PAX5: variants seen among roughly 807,000 people sequenced by gnomAD.
The protein encoded by PAX5 is paired box 5.
PAX5 carries 9 observed loss-of-function variants against 43.7 expected under a neutral mutation model. The observed-to-expected ratio is 0.21, with a 90% CI of 0.12 to 0.36. The LOEUF (loss-of-function observed/expected upper bound fraction) is 0.36, where lower values mean the gene tolerates loss of function less well. Ranked by LOEUF, PAX5 falls within the 10% of genes least tolerant of loss-of-function variation. PAX5 has a pLI of 1.00. For synonymous variants in PAX5, 228 were observed against 214.3 expected, an observed-to-expected ratio of 1.06 and a Z score of -0.56; for missense variants, 383 against 532.7, an observed-to-expected ratio of 0.72 and a Z score of 2.77.
chr9:36,983,739 G>C (rs146318753), intron 5 of PAX5, among the ~76,000 whole-genome samples: 132 of 152,238 alleles, frequency 8.7e-4, no homozygotes, highest in African/African-American at 3.0e-3. Context: ...CTCCCAAAGT[G>C]CTAGGATTAC....
intron 5 of PAX5, among the ~76,000 whole-genome samples, chr9:36,967,245 C>G (rs1273050384): frequency 6.6e-6 from 1 of 152,218 alleles, no homozygotes; most frequent in African/African-American, 2.4e-5. Context: ...AAACGGGACT[C>G]TCATACAATT....
At chr9:37,026,473 C>G in intron 1 of PAX5, 1 of 1,283,350 alleles carries the variant, frequency 7.8e-7, no homozygotes, top group African/African-American at 1.5e-5. Flanking sequence ...ACCCACGGTC[C>G]GGCACCCCCA....
intron 1 of PAX5, among the ~76,000 whole-genome samples, chr9:37,025,698 A>G (rs1352089433): frequency 6.6e-6 from 1 of 152,278 alleles, no homozygotes; most frequent in Non-Finnish European, 1.5e-5. Context: ...AATTGGCAGG[A>G]TCCCTGCGGG....
At chr9:37,032,058 C>T (rs1841036504) in intron 1 of PAX5, among the ~76,000 whole-genome samples, 1 of 152,126 alleles carries the variant, frequency 6.6e-6, no homozygotes, top group South Asian at 2.1e-4. Context: ...TGAACTGTCG[C>T]CCTTTTCCAG....
chr9:36,922,536 C>T (rs1234527117), intron 7 of PAX5, among the ~76,000 whole-genome samples: 3 of 152,208 alleles, frequency 2.0e-5, no homozygotes, highest in African/African-American at 7.2e-5. Flanking sequence ...CCCACGCATC[C>T]AGCCCTTCTG....
intron 5 of PAX5, among the ~76,000 whole-genome samples, chr9:36,984,193 A>C (rs1815063472): frequency 6.6e-6 from 1 of 152,122 alleles, no homozygotes; most frequent in South Asian, 2.1e-4. Context: ...ACCTTGAAAA[A>C]TCAGTGCTCC....
At position 36,837,087 on chromosome 9, in the gene PAX5, T is replaced by A. The variant is rs1188638064; in HGVS notation, c.*3473A>T. 1.3e-5 allele frequency: 3 copies of A among 232,288 alleles called. No homozygotes were observed. The highest frequency in any genetic ancestry group is 2.5e-5 in the Non-Finnish European group (3 of 117,766). 14.4% of individuals were successfully genotyped at this position (232,288 alleles called of 1,614,324 possible). Reference sequence around the variant, plus strand: ...CCTGATTGTGGGTCTGGGGGATTTCTAGGGAATGGGGGTGGGGGAGTGTCT... The same window carrying A: ...CCTGATTGTGGGTCTGGGGGATTTCAAGGGAATGGGGGTGGGGGAGTGTCT... On this transcript the variant is annotated 3_prime_UTR_variant, in exon 10 of 10. Coordinates refer to ENST00000358127, the MANE Select transcript of PAX5 (RefSeq NM_016734.3).
chr9:36,867,478 G>A (rs1404245631), intron 8 of PAX5, among the ~76,000 whole-genome samples: 2 of 151,742 alleles, frequency 1.3e-5, no homozygotes, highest in African/African-American at 2.4e-5. Flanking sequence ...AGGGGCTACC[G>A]TGAGGCTCCA....
At chr9:36,852,804 C>A (rs1315111461) in intron 8 of PAX5, among the ~76,000 whole-genome samples, 1 of 152,130 alleles carries the variant, frequency 6.6e-6, no homozygotes, top group African/African-American at 2.4e-5. Context: ...TTTAGAGATA[C>A]GTTCCCTCAA....
intron 7 of PAX5, among the ~76,000 whole-genome samples, chr9:36,912,514 G>A (rs1439022973): frequency 6.6e-6 from 1 of 152,214 alleles, no homozygotes; most frequent in Non-Finnish European, 1.5e-5. Context: ...TTTGAACTGG[G>A]ATTTTTTTAG....
chr9:37,010,447 C>T (rs984875474), intron 3 of PAX5, among the ~76,000 whole-genome samples: 4 of 152,310 alleles, frequency 2.6e-5, no homozygotes, highest in South Asian at 2.1e-4. Context: ...TCAAAGGAAG[C>T]GCGGTCCCTC....
intron 7 of PAX5, among the ~76,000 whole-genome samples, chr9:36,919,861 A>T: frequency 6.6e-6 from 1 of 150,574 alleles, no homozygotes; most frequent in Admixed American, 6.7e-5. Flanking sequence ...AAAAAAAAAA[A>T]AAAAAAGAAT....
At chr9:36,854,399 A>G (rs1823453618) in intron 8 of PAX5, among the ~76,000 whole-genome samples, 1 of 152,228 alleles carries the variant, frequency 6.6e-6, no homozygotes, top group Non-Finnish European at 1.5e-5. Flanking sequence ...TAATATTTAT[A>G]ATATACAGAT....
In PAX5 at chr9:37,032,922, G is replaced by A. The variant is rs569923630; in HGVS notation, c.46+1064C>T. Among the ~76,000 whole-genome samples, 11 of 152,348 alleles carry A rather than the reference G, an allele frequency of 7.2e-5. No individual in the cohort carries two copies. In the East Asian group the frequency reaches 1.5e-3, roughly 21 times the overall value. ...TACAGGCCCTAGAGCTGAATGCCCA[G>A]ACTATGCACATGCATCCACCCACTG... On this transcript the variant is annotated intron_variant, in intron 1 of 9. Transcript: ENST00000358127.
At chr9:36,870,900 G>C (rs953752137) in intron 8 of PAX5, among the ~76,000 whole-genome samples, 31 of 152,270 alleles carry the variant, frequency 2.0e-4, no homozygotes, top group African/African-American at 5.5e-4. Flanking sequence ...GAAGGGGCTG[G>C]TCTGAGCCCT....
chr9:36,884,780 G>A (rs1489596208), intron 7 of PAX5, among the ~76,000 whole-genome samples: 1 of 152,218 alleles, frequency 6.6e-6, no homozygotes, highest in Non-Finnish European at 1.5e-5. Context: ...GAAAATTTCG[G>A]TGAAATAGCC....
chr9:36,843,708 G>C (rs1161688840), intron 9 of PAX5, among the ~76,000 whole-genome samples: 1 of 152,094 alleles, frequency 6.6e-6, no homozygotes, highest in Non-Finnish European at 1.5e-5. Flanking sequence ...TAGGGCACAG[G>C]TGTGTTTCAT....
chr9:36,968,059 CG>C (rs1564021164), intron 5 of PAX5, among the ~76,000 whole-genome samples: 1 of 152,198 alleles, frequency 6.6e-6, no homozygotes, highest in African/African-American at 2.4e-5. Context: ...CATCATTCCC[CG>C]GGGCTCTCTG....
intron 7 of PAX5, among the ~76,000 whole-genome samples, chr9:36,911,497 T>C (rs1489202247): frequency 6.6e-6 from 1 of 152,184 alleles, no homozygotes; most frequent in Non-Finnish European, 1.5e-5. Flanking sequence ...GCATCTTCCA[T>C]GGAATTCCGA....
Sources: allele counts gnomAD v4.1 joint callset (sites outside exome capture counted in the v4.1 genomes callset), GRCh38; gene constraint gnomAD v4.1.1; transcripts MANE v1.5; gene names NCBI Gene and HGNC (gene_info 2026-07-23, HGNC 2026-07-21).